Variants in SOBP observed in about 807,000 individuals in gnomAD.
SOBP encodes sine oculis-binding protein homolog.
SOBP carries 4 observed loss-of-function variants against 53.6 expected under a neutral mutation model. That is an observed-to-expected ratio of 0.07 (90% CI 0.04 to 0.17). SOBP has a LOEUF of 0.17. Ranked by LOEUF, SOBP falls within the 10% of genes least tolerant of loss-of-function variation. The probability of loss-of-function intolerance (pLI) is 1.00; values close to 1 mark genes in which losing one functional copy is unlikely to be tolerated. For missense variants in SOBP, 1,088 were observed against 1,204.7 expected (o/e 0.90, Z 1.43); for synonymous variants, 584 against 522.6 (o/e 1.12, Z -1.60).
chr6:107,596,765 A>G (rs1348270301), intron 5 of SOBP, among the ~76,000 whole-genome samples: 1 of 152,220 alleles, frequency 6.6e-6, no homozygotes, highest in Admixed American at 6.5e-5. Context: ...TCTCTCAATA[A>G]AACAAGCTAT....
intron 1 of SOBP, among the ~76,000 whole-genome samples, chr6:107,501,115 T>G (rs79164376): frequency 0.12 from 18,155 of 152,268 alleles, 1,399 homozygotes; most frequent in East Asian, 0.25. Flanking sequence ...ACATTTATAG[T>G]AACTTGAAAA....
chr6:107,612,632 A>G (rs1272555587), intron 5 of SOBP, among the ~76,000 whole-genome samples: 2 of 152,134 alleles, frequency 1.3e-5, no homozygotes, highest in South Asian at 4.1e-4. Flanking sequence ...AGCATTTTCT[A>G]TTTTAACTGT....
At chr6:107,524,350 C>T (rs1783598460) in intron 3 of SOBP, among the ~76,000 whole-genome samples, 1 of 152,166 alleles carries the variant, frequency 6.6e-6, no homozygotes, top group African/African-American at 2.4e-5. Flanking sequence ...ACAGCAAATC[C>T]ATGATTGCAG....
intron 4 of SOBP, among the ~76,000 whole-genome samples, chr6:107,548,781 A>T (rs949922489): frequency 4.0e-5 from 6 of 150,078 alleles, no homozygotes; most frequent in Non-Finnish European, 1.5e-5. Context: ...TACAAAATAT[A>T]AAAAAAATCA....
intron 4 of SOBP, among the ~76,000 whole-genome samples, chr6:107,573,931 G>A (rs1238300860): frequency 1.3e-5 from 2 of 152,218 alleles, no homozygotes; most frequent in African/African-American, 4.8e-5. Flanking sequence ...TATGGAGCAT[G>A]TGGGCTGAAT....
At chr6:107,570,344 T>C (rs1468354584) in intron 4 of SOBP, among the ~76,000 whole-genome samples, 1 of 152,240 alleles carries the variant, frequency 6.6e-6, no homozygotes, top group Non-Finnish European at 1.5e-5. Context: ...TTTGAATCTA[T>C]CTTAATCTCC....
intron 4 of SOBP, among the ~76,000 whole-genome samples, chr6:107,566,192 A>G (rs1264027945): frequency 6.6e-6 from 1 of 152,238 alleles, no homozygotes. Context: ...ATGAAGGAAA[A>G]TGGACAACTT....
At chr6:107,509,074 T>A (rs371022440) in intron 3 of SOBP, among the ~76,000 whole-genome samples, 52 of 152,306 alleles carry the variant, frequency 3.4e-4, no homozygotes, top group African/African-American at 1.2e-3. Context: ...CCCTACCTCA[T>A]GTGGTTGTTG....
At chr6:107,539,576 T>G (rs960290477) in intron 4 of SOBP, among the ~76,000 whole-genome samples, 6 of 152,370 alleles carry the variant, frequency 3.9e-5, no homozygotes, top group African/African-American at 1.2e-4. Context: ...CGCTCCCTTT[T>G]AACATTAACC....
intron 6 of SOBP, among the ~76,000 whole-genome samples, chr6:107,652,199 T>G (rs1002757627): frequency 6.6e-6 from 1 of 152,204 alleles, no homozygotes; most frequent in Non-Finnish European, 1.5e-5. Context: ...GCAAAGTACA[T>G]TGAAAATCTT....
intron 3 of SOBP, among the ~76,000 whole-genome samples, chr6:107,515,990 G>A (rs1783308496): frequency 6.6e-6 from 1 of 151,962 alleles, no homozygotes; most frequent in South Asian, 2.1e-4. Flanking sequence ...AATAGCTGCA[G>A]CAACAATTTT....
chr6:107,572,511 CCAGGAT>C (rs1161746930), intron 4 of SOBP, among the ~76,000 whole-genome samples: 1 of 152,034 alleles, frequency 6.6e-6, no homozygotes, highest in African/African-American at 2.4e-5. Flanking sequence ...GCCATGTTGC[CCAGGAT>C]GTTCTCAAAC....
intron 1 of SOBP, among the ~76,000 whole-genome samples, chr6:107,491,857 C>A (rs892916418): frequency 6.6e-6 from 1 of 152,156 alleles, no homozygotes; most frequent in South Asian, 2.1e-4. Flanking sequence ...GCAAGTAAGT[C>A]AAATTTATTG....
chr6:107,588,103 C>T (rs955045165), intron 5 of SOBP, among the ~76,000 whole-genome samples: 1 of 152,194 alleles, frequency 6.6e-6, no homozygotes, highest in Non-Finnish European at 1.5e-5. Context: ...TCAGTTGTTA[C>T]ATTTTGAGGT....
intron 3 of SOBP, among the ~76,000 whole-genome samples, chr6:107,507,991 G>A (rs1425949814): frequency 6.6e-6 from 1 of 152,112 alleles, no homozygotes; most frequent in Admixed American, 6.5e-5. Context: ...CCTGTAAAAT[G>A]TTGGAATCAT....
At chr6:107,559,767 A>G (rs1025117334) in intron 4 of SOBP, among the ~76,000 whole-genome samples, 1 of 152,250 alleles carries the variant, frequency 6.6e-6, no homozygotes, top group African/African-American at 2.4e-5. Flanking sequence ...ATGGATTTGT[A>G]TGAAATTTGG....
At chr6:107,604,045 C>A (rs1786279000) in intron 5 of SOBP, among the ~76,000 whole-genome samples, 1 of 152,144 alleles carries the variant, frequency 6.6e-6, no homozygotes, top group Non-Finnish European at 1.5e-5. Flanking sequence ...TTCTGTTTCA[C>A]CTATTTTGTC....
intron 3 of SOBP, among the ~76,000 whole-genome samples, chr6:107,532,241 TCACACACA>T (rs10525191): frequency 2.0e-4 from 28 of 139,740 alleles, no homozygotes; most frequent in South Asian, 7.1e-4. Context: ...TCTCTCTCTC[TCACACACA>T]CACACACACA....
At chr6:107,557,517 A>G (rs1784649067) in intron 4 of SOBP, among the ~76,000 whole-genome samples, 1 of 152,220 alleles carries the variant, frequency 6.6e-6, no homozygotes, top group African/African-American at 2.4e-5. Flanking sequence ...TCAAAAATCA[A>G]AGTATATCTG....
Sources: allele counts gnomAD v4.1 joint callset (sites outside exome capture counted in the v4.1 genomes callset), GRCh38; gene constraint gnomAD v4.1.1; transcripts MANE v1.5; gene names NCBI Gene and HGNC (gene_info 2026-07-23, HGNC 2026-07-21).